Variants in PLA2G4E observed in about 807,000 individuals in gnomAD.
PLA2G4E encodes phospholipase A2 group IVE, also known as cytosolic phospholipase A2 epsilon.
A neutral mutation model predicts 109.1 loss-of-function variants in PLA2G4E; 84 were observed. That is an observed-to-expected ratio of 0.77 (90% CI 0.65 to 0.92). The LOEUF is 0.92. Ranked by LOEUF, PLA2G4E falls within the 40% of genes least tolerant of loss-of-function variation. The pLI is 0.00. For missense variants in PLA2G4E, 1,057 were observed against 1,076.6 expected (o/e 0.98, Z 0.25); for synonymous variants, 469 against 436.1 (o/e 1.08, Z -0.94).
chr15:42,022,518 A>G (rs528691531), intron 1 of PLA2G4E, among the ~76,000 whole-genome samples: 4 of 152,000 alleles, frequency 2.6e-5, no homozygotes, highest in Non-Finnish European at 5.9e-5. Flanking sequence ...CTGCAACTAG[A>G]TGGTTCCATC....
At chr15:41,995,304 C>A in intron 12 of PLA2G4E, 56 bp downstream of exon 12, 1 of 1,588,316 alleles carries the variant, frequency 6.3e-7, no homozygotes, top group Non-Finnish European at 8.6e-7. Flanking sequence ...AGACCCCAGG[C>A]CAGCCTGTTC....
intron 1 of PLA2G4E, among the ~76,000 whole-genome samples, chr15:42,016,289 T>A: frequency 6.8e-6 from 1 of 148,026 alleles, no homozygotes; most frequent in Admixed American, 6.8e-5. Flanking sequence ...TCTGTTGCCT[T>A]GGCTAGGGAA....
At chr15:41,995,041 T>C (rs1332566747) in intron 12 of PLA2G4E, among the ~76,000 whole-genome samples, 1 of 152,214 alleles carries the variant, frequency 6.6e-6, no homozygotes, top group African/African-American at 2.4e-5. Flanking sequence ...CCTGGGTCCA[T>C]ACCACAGCCC....
intron 1 of PLA2G4E, among the ~76,000 whole-genome samples, chr15:42,026,159 T>C (rs2068691437): frequency 6.6e-6 from 1 of 152,010 alleles, no homozygotes; most frequent in African/African-American, 2.4e-5. Context: ...AAAAAAGATA[T>C]AGAGGAGAGT....
chr15:41,992,016 T>C (rs554263902), intron 13 of PLA2G4E, among the ~76,000 whole-genome samples: 1 of 152,320 alleles, frequency 6.6e-6, no homozygotes, highest in South Asian at 2.1e-4. Context: ...GTAGCAGCTC[T>C]CACAGCAGCA....
chr15:42,037,989 G>A (rs1566851265), intron 1 of PLA2G4E, among the ~76,000 whole-genome samples: 2 of 152,258 alleles, frequency 1.3e-5, no homozygotes, highest in East Asian at 1.9e-4. Flanking sequence ...CGAACCCAGC[G>A]GACCCAAGCA....
At chr15:42,047,144 A>G (rs1889430074) in intron 1 of PLA2G4E, among the ~76,000 whole-genome samples, 1 of 152,244 alleles carries the variant, frequency 6.6e-6, no homozygotes, top group Non-Finnish European at 1.5e-5. Flanking sequence ...TTTCTTTAAA[A>G]TATGTTTTTG....
chr15:42,002,170 G>A (rs922164664), intron 6 of PLA2G4E, among the ~76,000 whole-genome samples: 25 of 151,324 alleles, frequency 1.7e-4, no homozygotes, highest in African/African-American at 4.9e-4. Flanking sequence ...ATAGCTGGGG[G>A]TGGTGGCGTG....
chr15:41,994,841 G>T (rs577825799), intron 12 of PLA2G4E, among the ~76,000 whole-genome samples: 1 of 152,298 alleles, frequency 6.6e-6, no homozygotes, highest in Admixed American at 6.5e-5. Context: ...ACCTATTTTT[G>T]TGGGCCCCTA....
chr15:42,028,154 C>G (rs1413118473), intron 1 of PLA2G4E, among the ~76,000 whole-genome samples: 1 of 152,300 alleles, frequency 6.6e-6, no homozygotes, highest in East Asian at 1.9e-4. Context: ...GTAGCAGGGA[C>G]TGGTCTAAGT....
At chr15:41,988,113 C>G (rs1411294368) in exon 16 of PLA2G4E, 1 of 1,606,760 alleles carries the variant, frequency 6.2e-7, no homozygotes. Context: ...GTGACAGGTT[C>G]CAGGCATCCA....
chr15:42,023,907 A>G (rs1196458831), intron 1 of PLA2G4E, among the ~76,000 whole-genome samples: 2 of 152,270 alleles, frequency 1.3e-5, no homozygotes, highest in South Asian at 2.1e-4. Flanking sequence ...TTCTTCCCCC[A>G]CATCCTCTGT....
rs16972405 is a variant in PLA2G4E, at chr15:41,992,602, C to T, written c.1470+135G>A. On this transcript the variant is annotated intron_variant, in intron 13 of 19. Coordinates refer to ENST00000399518, the Ensembl canonical transcript of PLA2G4E. ...TCATAGAGTCCGACACCTTATCGGT[C>T]TTCCAGCCCAAGGATACTCCCGCAG... 9.1e-3 allele frequency: 7,569 copies of T among 832,398 alleles called. 432 individuals carry two copies. In the African/African-American group the frequency reaches 0.12, roughly 13 times the overall value. The allele number at this position is 832,398 out of a possible 1,614,324, so 51.6% of individuals were successfully genotyped here.
intron 12 of PLA2G4E, among the ~76,000 whole-genome samples, chr15:41,994,484 C>G (rs1644162269): frequency 6.6e-6 from 1 of 152,184 alleles, no homozygotes; most frequent in African/African-American, 2.4e-5. Context: ...TGAACCAGGG[C>G]CACGCAGGGT....
At chr15:42,045,235 C>A (rs1889392956) in intron 1 of PLA2G4E, among the ~76,000 whole-genome samples, 1 of 152,076 alleles carries the variant, frequency 6.6e-6, no homozygotes, top group Non-Finnish European at 1.5e-5. Context: ...GGTAGCAGAA[C>A]TGGGGAAAGA....
chr15:42,009,394 G>A (rs895953184), intron 2 of PLA2G4E, among the ~76,000 whole-genome samples: 2 of 152,082 alleles, frequency 1.3e-5, no homozygotes, highest in African/African-American at 2.4e-5. Context: ...TAATCTCTGA[G>A]GCCACTTCCC....
intron 4 of PLA2G4E, 97 bp downstream of exon 4, chr15:42,005,893 A>T: frequency 7.0e-7 from 1 of 1,427,408 alleles, no homozygotes; most frequent in Non-Finnish European, 9.6e-7. Flanking sequence ...TTGACTGTGT[A>T]CACAGAGAAG....
At chr15:42,040,121 A>G (rs1889288988) in intron 1 of PLA2G4E, among the ~76,000 whole-genome samples, 3 of 152,090 alleles carry the variant, frequency 2.0e-5, no homozygotes. Flanking sequence ...GGATTGCTTG[A>G]GGCCAGGAGT....
At chr15:42,048,211 G>A (rs1222295654) in intron 1 of PLA2G4E, among the ~76,000 whole-genome samples, 1 of 152,192 alleles carries the variant, frequency 6.6e-6, no homozygotes, top group Non-Finnish European at 1.5e-5. Flanking sequence ...TGCAGCCTAG[G>A]AGCAAAAGGC....
Sources: allele counts gnomAD v4.1 joint callset (sites outside exome capture counted in the v4.1 genomes callset), GRCh38; gene constraint gnomAD v4.1.1; transcripts MANE v1.5; gene names NCBI Gene and HGNC (gene_info 2026-07-23, HGNC 2026-07-21).